Variants in CPNE8 observed in about 807,000 individuals in gnomAD.
The protein encoded by CPNE8 is copine 8, also known as copine-8.
Under a neutral mutation model 81.5 loss-of-function variants are expected in CPNE8, and 45 were observed. The ratio of observed to expected loss-of-function variants is 0.55; its 90% CI spans 0.44 to 0.71. The LOEUF (loss-of-function observed/expected upper bound fraction) is 0.71, where lower values mean the gene tolerates loss of function less well. Among genes scored for constraint, CPNE8 ranks in the 30% least tolerant of loss-of-function variants. The pLI, the probability that CPNE8 is intolerant of heterozygous loss-of-function variation, is 0.00. For missense variants in CPNE8, 594 were observed against 672.1 expected, an observed-to-expected ratio of 0.88 and a Z score of 1.28; for synonymous variants, 252 against 226.3, an observed-to-expected ratio of 1.11 and a Z score of -1.02.
intron 7 of CPNE8, among the ~76,000 whole-genome samples, chr12:38,770,033 C>T (rs1039713564): frequency 1.3e-5 from 2 of 152,148 alleles, no homozygotes; most frequent in African/African-American, 4.8e-5. Context: ...AATACACTAG[C>T]ATCACTGCAA....
At chr12:38,883,327 G>T (rs906587521) in intron 1 of CPNE8, among the ~76,000 whole-genome samples, 4 of 152,116 alleles carry the variant, frequency 2.6e-5, no homozygotes, top group African/African-American at 9.7e-5. Flanking sequence ...AGAACAAAAT[G>T]AAATGAGCTG....
chr12:38,864,836 G>A (rs991701440), intron 3 of CPNE8, among the ~76,000 whole-genome samples: 2 of 152,136 alleles, frequency 1.3e-5, no homozygotes, highest in African/African-American at 4.8e-5. Flanking sequence ...GATATGTTAT[G>A]ATTATAAAGG....
At chr12:38,744,336 T>C (rs1565594399) in intron 10 of CPNE8, among the ~76,000 whole-genome samples, 1 of 152,204 alleles carries the variant, frequency 6.6e-6, no homozygotes, top group Non-Finnish European at 1.5e-5. Context: ...AGTTTACATT[T>C]GGGATTCTCC....
chr12:38,708,254 C>T lies in CPNE8; in HGVS notation c.915-5333G>A, dbSNP rs115674347. The stretch of plus-strand genomic sequence containing the variant: ...AACAGGTTTCTTGAAGACTTTAATA[C>T]ATAATTTGTTATAAAAGTAAACCAA... On this transcript the variant is annotated intron_variant, in intron 13 of 19. Transcript: ENST00000331366. 7.1e-3 allele frequency among the ~76,000 whole-genome samples: 1,077 copies of T among 151,990 alleles called. 17 individuals are homozygous for T. The highest frequency in any genetic ancestry group is 0.024 in the African/African-American group (989 of 41,464).
chr12:38,879,833 G>T (rs1188791454), intron 1 of CPNE8, among the ~76,000 whole-genome samples: 1 of 151,796 alleles, frequency 6.6e-6, no homozygotes, highest in African/African-American at 2.4e-5. Flanking sequence ...AATTTTTAAA[G>T]TTCTAATTCA....
chr12:38,659,499 G>A (rs116187380), intron 19 of CPNE8, among the ~76,000 whole-genome samples: 2,537 of 151,308 alleles, frequency 0.017, 52 homozygotes, highest in African/African-American at 0.058. Flanking sequence ...GACAAGACAG[G>A]TTAACAAGGA....
intron 6 of CPNE8, among the ~76,000 whole-genome samples, chr12:38,778,751 G>T (rs2136897880): frequency 6.6e-6 from 1 of 152,268 alleles, no homozygotes; most frequent in Admixed American, 6.5e-5. Context: ...AGTTGATTAT[G>T]CTTTCTGTAA....
chr12:38,739,046 C>G (rs965301502), intron 10 of CPNE8, among the ~76,000 whole-genome samples: 2 of 152,036 alleles, frequency 1.3e-5, no homozygotes, highest in Non-Finnish European at 2.9e-5. Flanking sequence ...CTCCTAGGCT[C>G]AAGAGATCGC....
chr12:38,665,994 G>A (rs941259881), intron 19 of CPNE8, among the ~76,000 whole-genome samples: 2 of 152,072 alleles, frequency 1.3e-5, no homozygotes, highest in African/African-American at 2.4e-5. Context: ...TGATAATAAC[G>A]CATTTATTGA....
chr12:38,831,876 A>T (rs1943292935), intron 5 of CPNE8, among the ~76,000 whole-genome samples: 1 of 152,344 alleles, frequency 6.6e-6, no homozygotes, highest in Admixed American at 6.5e-5. Context: ...GCTTATGCGC[A>T]CCTGCAAATA....
At chr12:38,790,953 C>T (rs1942308652) in intron 6 of CPNE8, among the ~76,000 whole-genome samples, 1 of 151,492 alleles carries the variant, frequency 6.6e-6, no homozygotes, top group African/African-American at 2.4e-5. Flanking sequence ...TAGCTTGTAC[C>T]TTTATACTTT....
chr12:38,796,180 G>T (rs952021131), intron 6 of CPNE8, among the ~76,000 whole-genome samples: 3 of 152,082 alleles, frequency 2.0e-5, no homozygotes, highest in Admixed American at 6.5e-5. Context: ...CCAGCTACTT[G>T]GGAGGCTAAG....
intron 13 of CPNE8, among the ~76,000 whole-genome samples, chr12:38,722,968 T>C (rs552028887): frequency 2.0e-5 from 3 of 152,288 alleles, no homozygotes; most frequent in Middle Eastern, 3.4e-3. Context: ...CCTGCTGCCA[T>C]GTAAGACACG....
intron 10 of CPNE8, among the ~76,000 whole-genome samples, chr12:38,736,499 G>A (rs1684416): frequency 0.59 from 83,744 of 142,636 alleles, 23,709 homozygotes; most frequent in East Asian, 0.81. Flanking sequence ...TTGTATGCCT[G>A]TTTAGTTACG....
rs769053560 is a variant in CPNE8 at position 38,762,066 on chromosome 12, T to G, written c.680+46A>C. 5.9e-6 allele frequency: 6 copies of G among 1,008,710 alleles called. No homozygotes were observed. The African/African-American group carries it at 1.0e-4, about 17-fold the overall frequency. The allele number at this position is 1,008,710 out of a possible 1,614,324, so 62.5% of individuals were successfully genotyped here. On this transcript the variant is annotated intron_variant, in intron 9 of 19. Transcript: ENST00000331366. ...CCACTTCCTCAAATCACTGTAGATT[T>G]TTTTAAAAGTTATTTGAAGATTTTT...
At chr12:38,754,953 C>G (rs1044570180) in intron 10 of CPNE8, among the ~76,000 whole-genome samples, 3 of 152,020 alleles carry the variant, frequency 2.0e-5, no homozygotes, top group Non-Finnish European at 2.9e-5. Flanking sequence ...AGTGAGGAAA[C>G]AAAATAAATA....
At chr12:38,718,319 C>T (rs763981694) in intron 13 of CPNE8, among the ~76,000 whole-genome samples, 10 of 152,120 alleles carry the variant, frequency 6.6e-5, no homozygotes, top group Non-Finnish European at 1.3e-4. Context: ...CTCCAAACTA[C>T]CTTTCTGTGT....
In CPNE8 at chr12:38,842,108, C is replaced by T. The variant is rs868224004; in HGVS notation, c.291-2153G>A. Among the ~76,000 whole-genome samples, 12 of 151,634 alleles carry T rather than the reference C, an allele frequency of 7.9e-5. No individual in the cohort carries two copies. The Middle Eastern group carries it at 0.011, about 133-fold the overall frequency. Reference sequence around the variant, plus strand: ...TTACTCTCCTTCGCATCAAGGCATTCTGAGCACTTTCAACAGCTATAGCCT... The same window carrying T: ...TTACTCTCCTTCGCATCAAGGCATTTTGAGCACTTTCAACAGCTATAGCCT... On this transcript the variant is annotated intron_variant, in intron 4 of 19. Coordinates refer to ENST00000331366, the MANE Select transcript of CPNE8 (RefSeq NM_153634.3).
upstream of CPNE8, chr12:38,906,605 G>A (rs919931773): frequency 1.1e-5 from 11 of 985,366 alleles, no homozygotes; most frequent in Non-Finnish European, 1.1e-5. Flanking sequence ...AAAGCAGAGA[G>A]GAGTCAGAGT....
Sources: gnomAD v4.1 joint callset for allele counts (sites outside exome capture counted in the v4.1 genomes callset) on GRCh38, gnomAD v4.1.1 for gene constraint, MANE v1.5 for transcripts, NCBI Gene and HGNC (gene_info 2026-07-23, HGNC 2026-07-21) for gene names.